The following ZDHHC3 variants were observed in gnomAD, a reference collection of about 807,000 sequenced individuals.
The protein encoded by ZDHHC3 is zDHHC palmitoyltransferase 3.
In ZDHHC3, 9 loss-of-function variants were observed where a neutral mutation model predicts 30.6. That is an observed-to-expected ratio of 0.29 (90% CI 0.18 to 0.51). The LOEUF is 0.51. Ranked by LOEUF, ZDHHC3 falls within the 20% of genes least tolerant of loss-of-function variation. The pLI is 0.97. For missense variants in ZDHHC3, 246 were observed against 384.2 expected, an observed-to-expected ratio of 0.64 and a Z score of 3.01; for synonymous variants, 136 against 140.2, an observed-to-expected ratio of 0.97 and a Z score of 0.21.
rs566062579 is a variant in ZDHHC3 at position 44,934,307 on chromosome 3, G to A, written c.432-323C>T. ...TGGGGCTTACGATTTGGTTTCCCGA[G>A]AGAAAAAGAATGAAGCAGTTTCAAA... On this transcript the variant is annotated intron_variant, in intron 3 of 6. Transcript: ENST00000424952. Among the ~76,000 whole-genome samples the A allele has an allele frequency of 2.0e-5, 3 of 152,204 alleles. No homozygotes were observed. The East Asian group carries it at 5.8e-4, about 30-fold the overall frequency.
chr3:44,939,908 G>A (rs533212149), intron 3 of ZDHHC3, among the ~76,000 whole-genome samples: 1 of 152,290 alleles, frequency 6.6e-6, no homozygotes, highest in Non-Finnish European at 1.5e-5. Context: ...GATATGAAAT[G>A]CCAAACCCAC....
intron 1 of ZDHHC3, among the ~76,000 whole-genome samples, chr3:44,962,099 CTT>C (rs1704527502): frequency 6.6e-6 from 1 of 152,230 alleles, no homozygotes; most frequent in Non-Finnish European, 1.5e-5. Flanking sequence ...GGCAAAACCT[CTT>C]GTTATCTGCA....
At chr3:44,953,433 T>C (rs1005764927) in intron 2 of ZDHHC3, among the ~76,000 whole-genome samples, 1 of 152,132 alleles carries the variant, frequency 6.6e-6, no homozygotes, top group African/African-American at 2.4e-5. Context: ...TAGGATAATA[T>C]GATAATATAA....
At position 44,916,432 on chromosome 3, in the gene ZDHHC3, C is replaced by T. The variant is rs1700169729; in HGVS notation, c.*10257G>A. ...CATCCTGAGGCTGCACCTCCAAACACTGACCTTCTTCTCCTCTGAACTGCA... is the reference window on the plus strand; with the variant it reads ...CATCCTGAGGCTGCACCTCCAAACATTGACCTTCTTCTCCTCTGAACTGCA... On this transcript the variant is annotated 3_prime_UTR_variant, in exon 7 of 7. Transcript: ENST00000424952. The T allele has an allele frequency of 2.0e-5, 3 of 152,312 alleles. No homozygotes were observed. The South Asian group carries it at 6.2e-4, about 31-fold the overall frequency. The allele number at this position is 152,312 out of a possible 1,614,324, so 9.4% of individuals were successfully genotyped here.
intron 2 of ZDHHC3, among the ~76,000 whole-genome samples, chr3:44,952,951 A>G (rs1205248882): frequency 6.6e-6 from 1 of 152,260 alleles, no homozygotes; most frequent in African/African-American, 2.4e-5. Flanking sequence ...ACATCTGTCA[A>G]CTTGTAGCTC....
intron 1 of ZDHHC3, 143 bp downstream of exon 1, chr3:44,975,790 A>G (rs1047429311): frequency 1.3e-5 from 2 of 159,272 alleles, no homozygotes; most frequent in African/African-American, 4.8e-5. Context: ...ACACACACAC[A>G]CACACACACA....
chr3:44,965,959 C>T (rs1323690712), intron 1 of ZDHHC3, among the ~76,000 whole-genome samples: 2 of 152,188 alleles, frequency 1.3e-5, no homozygotes, highest in East Asian at 1.9e-4. Context: ...TTCATGCACT[C>T]GTGAACAGCA....
chr3:44,946,449 T>C (rs1414505035), intron 2 of ZDHHC3, among the ~76,000 whole-genome samples: 5 of 152,206 alleles, frequency 3.3e-5, no homozygotes, highest in African/African-American at 1.2e-4. Context: ...CCCTGTGCTC[T>C]CATGCTCACT....
Position 44,925,562 on chromosome 3 carries a change from T to C in ZDHHC3, c.*1127A>G, listed in dbSNP as rs1700913592. On this transcript the variant is annotated 3_prime_UTR_variant, in exon 7 of 7. Coordinates refer to ENST00000424952, the MANE Select transcript of ZDHHC3 (RefSeq NM_001135179.2). ...TCCCAGTGCCACAGGCTTAGGTGTG[T>C]CTGTGGATTCTGGCCAATGGGATGG... 3 of 985,382 alleles carry C rather than the reference T, an allele frequency of 3.0e-6. No individual in the cohort carries two copies. The highest frequency in any genetic ancestry group is 1.7e-5 in the African/African-American group (1 of 57,254). The allele number at this position is 985,382 out of a possible 1,614,324, so 61.0% of individuals were successfully genotyped here.
chr3:44,929,992 C>T (rs1013308179), intron 5 of ZDHHC3, among the ~76,000 whole-genome samples: 2 of 152,362 alleles, frequency 1.3e-5, no homozygotes, highest in South Asian at 2.1e-4. Context: ...GGGTCTCAGC[C>T]TTGACCACAG....
At chr3:44,948,705 G>C (rs1296746645) in intron 2 of ZDHHC3, among the ~76,000 whole-genome samples, 1 of 152,242 alleles carries the variant, frequency 6.6e-6, no homozygotes, top group African/African-American at 2.4e-5. Flanking sequence ...AAGCAGGAGA[G>C]GAGCACCTGG....
chr3:44,932,715 A>G (rs1296191063), intron 5 of ZDHHC3, among the ~76,000 whole-genome samples: 1 of 152,260 alleles, frequency 6.6e-6, no homozygotes, highest in African/African-American at 2.4e-5. Flanking sequence ...GCCAGAAAGT[A>G]AAAAATGAAT....
At position 44,922,687 on chromosome 3, in the gene ZDHHC3, G is replaced by A. The variant is rs1436868873; in HGVS notation, c.*4002C>T. On this transcript the variant is annotated 3_prime_UTR_variant, in exon 7 of 7. Transcript: ENST00000424952. ...CCCAACTGGATTCTCAAACTTGATA[G>A]TCAGAATCACCTGGAGGGCTGTTAA... is the stretch of plus-strand genomic sequence containing the variant. 3 of 985,214 alleles carry A rather than the reference G, an allele frequency of 3.0e-6. No homozygotes were observed. In the African/African-American group the frequency reaches 5.2e-5, roughly 17 times the overall value. The allele number at this position is 985,214 out of a possible 1,614,324, so 61.0% of individuals were successfully genotyped here.
At chr3:44,957,686 G>A (rs987488956) in intron 2 of ZDHHC3, among the ~76,000 whole-genome samples, 3 of 152,200 alleles carry the variant, frequency 2.0e-5, no homozygotes, top group African/African-American at 7.2e-5. Context: ...TCGGAGAAGA[G>A]CTGGCTTGGG....
chr3:44,968,235 T>G (rs1223248000), intron 1 of ZDHHC3, among the ~76,000 whole-genome samples: 1 of 152,168 alleles, frequency 6.6e-6, no homozygotes, highest in African/African-American at 2.4e-5. Flanking sequence ...GAGGAGAAGT[T>G]ACTTCAACTT....
At chr3:44,949,112 GA>G (rs1156370499) in intron 2 of ZDHHC3, among the ~76,000 whole-genome samples, 2 of 151,378 alleles carry the variant, frequency 1.3e-5, no homozygotes, top group Admixed American at 6.6e-5. Context: ...TAAAACAGTA[GA>G]AAAAAAATCT....
intron 4 of ZDHHC3, 25 bp from the exon 5 acceptor site, chr3:44,933,224 A>T: frequency 6.2e-7 from 1 of 1,609,520 alleles, no homozygotes; most frequent in Non-Finnish European, 8.5e-7. Context: ...CAGTGCAGAC[A>T]CCATTGTTGT....
intron 1 of ZDHHC3, among the ~76,000 whole-genome samples, chr3:44,960,588 AC>A (rs1704389331): frequency 6.6e-6 from 1 of 152,152 alleles, no homozygotes; most frequent in Non-Finnish European, 1.5e-5. Flanking sequence ...CTTTTTTCTT[AC>A]CCTCTTTGGC....
intron 5 of ZDHHC3, 93 bp downstream of exon 5, chr3:44,933,025 T>C: frequency 1.2e-6 from 2 of 1,613,710 alleles, no homozygotes; most frequent in Non-Finnish European, 1.7e-6. Flanking sequence ...GGTTGGCCCC[T>C]GGCACCATGA....
Sources: gnomAD v4.1 joint callset for allele counts (sites outside exome capture counted in the v4.1 genomes callset) on GRCh38, gnomAD v4.1.1 for gene constraint, MANE v1.5 for transcripts, NCBI Gene and HGNC (gene_info 2026-07-23, HGNC 2026-07-21) for gene names.